The following TMEM248 variants were observed in gnomAD, a reference collection of about 807,000 sequenced individuals.
TMEM248 encodes the protein transmembrane protein 248.
In TMEM248, 9 loss-of-function variants were observed where a neutral mutation model predicts 30.3. The observed-to-expected ratio is 0.30, with a 90% confidence interval of 0.18 to 0.52. TMEM248 has a LOEUF of 0.52. Ranked by LOEUF, TMEM248 falls within the 20% of genes least tolerant of loss-of-function variation. The pLI is 0.97. For missense variants in TMEM248, 338 were observed against 403.3 expected (o/e 0.84, Z 1.39); for synonymous variants, 184 against 154.4 (o/e 1.19, Z -1.42).
Position 66,945,213 on chromosome 7 carries a change from G to A in TMEM248, c.397G>A (p.Val133Ile), listed in dbSNP as rs754953626. ...ACCCTTCGGAGGGTATTCCCGCAAC[G>A]TCACCCATCTGTACTCAACCATCTT... ...LKPFGGYSRN[V>I]THLYSTILGH... Residue 133 changes from valine (V) to isoleucine (I), a missense_variant, in exon 3 of 7, where the codon GTC becomes ATC. By Grantham distance (29) the Val-to-Ile change is conservative. Coordinates refer to ENST00000341567, the MANE Select transcript of TMEM248 (RefSeq NM_017994.5). 6 of 1,613,996 alleles carry A rather than the reference G, an allele frequency of 3.7e-6. No individual in the cohort carries two copies. The highest frequency in any genetic ancestry group is 2.2e-5 in the East Asian group (1 of 44,900).
At chr7:66,939,796 C>T (rs1333250174) in intron 1 of TMEM248, among the ~76,000 whole-genome samples, 3 of 150,832 alleles carry the variant, frequency 2.0e-5, no homozygotes, top group Non-Finnish European at 4.4e-5. Context: ...GCAAAATCTC[C>T]GCTCTCGTTG....
At chr7:66,948,829 A>G (rs2129225421) in intron 4 of TMEM248, 135 bp downstream of exon 4, 1 of 913,290 alleles carries the variant, frequency 1.1e-6, no homozygotes, top group Admixed American at 3.1e-5. Flanking sequence ...ACTCGGACCT[A>G]TCTAAAGGAT....
In TMEM248 at chr7:66,948,553, C is replaced by T; in HGVS notation, c.455C>T (p.Ala152Val). The T allele has an allele frequency of 6.2e-7, 1 of 1,613,250 alleles. No homozygotes were observed. Among genetic ancestry groups the T allele is most frequent in the Non-Finnish European group, 8.5e-7 (1 of 1,179,614 alleles). The change falls in exon 4 of 7, where the codon GCC (alanine) becomes GTC (valine). Residue 152 changes from alanine (A) to valine (V), a missense_variant. Coordinates refer to ENST00000341567, the MANE Select transcript of TMEM248 (RefSeq NM_017994.5). ...GHQIGLSGRE[A>V]HEEINITFTL... ...GATTTCTCTTTCATAGGCAGGGAAG[C>T]CCACGAGGAGATAAACATCACCTTC...
chr7:66,924,465 C>T (rs1048991766), intron 1 of TMEM248, among the ~76,000 whole-genome samples: 12 of 152,112 alleles, frequency 7.9e-5, no homozygotes, highest in East Asian at 1.9e-4. Context: ...AGTACAGTGG[C>T]GCGATCTCAG....
chr7:66,926,474 G>T (rs1791527274), intron 1 of TMEM248, among the ~76,000 whole-genome samples: 1 of 152,012 alleles, frequency 6.6e-6, no homozygotes, highest in African/African-American at 2.4e-5. Flanking sequence ...ACAAGAATTA[G>T]CTGGGCGTGG....
chr7:66,954,066 C>T (rs991694340), intron 6 of TMEM248, among the ~76,000 whole-genome samples: 10 of 150,410 alleles, frequency 6.6e-5, no homozygotes, highest in African/African-American at 2.2e-4. Context: ...GCCTCAGCCT[C>T]GAGAGTAGCT....
chr7:66,930,455 G>A (rs949545622), intron 1 of TMEM248, among the ~76,000 whole-genome samples: 7 of 152,186 alleles, frequency 4.6e-5, no homozygotes, highest in Non-Finnish European at 1.0e-4. Flanking sequence ...AACCCGGAGT[G>A]GAAACTGGGA....
In TMEM248 at chr7:66,941,985, C is replaced by A. The variant is rs1791974768; in HGVS notation, c.120C>A (p.Phe40Leu). The change falls in exon 2 of 7, where the codon TTC becomes TTA. Residue 40 changes from phenylalanine (F) to leucine (L), a missense_variant. Phe to Leu is a conservative substitution (Grantham distance 22). Transcript: ENST00000341567. Reference sequence around the variant, plus strand: ...TAGCTTTCCTGACCCTGGGCTACTTCTTCAAAATCAAGGAGATTAAATCCC... The same window carrying A: ...TAGCTTTCCTGACCCTGGGCTACTTATTCAAAATCAAGGAGATTAAATCCC... Reference protein sequence around the residue: ...MAIAFLTLGYFFKIKEIKSPE... With the variant: ...MAIAFLTLGYLFKIKEIKSPE... 6.2e-7 allele frequency: 1 copy of A among 1,614,164 alleles called. No homozygotes were observed. Among genetic ancestry groups the A allele is most frequent in the Non-Finnish European group, 8.5e-7 (1 of 1,180,028 alleles).
rs553043559 is a variant in TMEM248 at position 66,955,423 on chromosome 7, G to C, written c.925-79G>C. 3.3e-6 allele frequency: 5 copies of C among 1,527,872 alleles called. No homozygotes were observed. The East Asian group carries it at 1.1e-4, about 34-fold the overall frequency. 94.6% of individuals were successfully genotyped at this position (1,527,872 alleles called of 1,614,324 possible). ...CTGGTTGATATGTGCAATTAGTGTG[G>C]CATCCTGGTCTTTGGGTAGGGGCTG... On this transcript the variant is annotated intron_variant, in intron 6 of 6. Coordinates refer to ENST00000341567, the MANE Select transcript of TMEM248 (RefSeq NM_017994.5).
chr7:66,955,582 C>A lies in TMEM248; in HGVS notation c.*60C>A. ...AGAACCATAATCCTTGCCTGCTGAA[C>A]CCAGCCTGGGCCTGGATGCTCTGTG... On this transcript the variant is annotated 3_prime_UTR_variant, in exon 7 of 7. Transcript: ENST00000341567. 1 of 1,603,262 alleles carries A rather than the reference C, an allele frequency of 6.2e-7. No homozygotes were observed. The highest frequency in any genetic ancestry group is 8.5e-7 in the Non-Finnish European group (1 of 1,172,072).
chr7:66,923,158 T>G (rs1584391846), intron 1 of TMEM248, among the ~76,000 whole-genome samples: 1 of 151,934 alleles, frequency 6.6e-6, no homozygotes, highest in East Asian at 1.9e-4. Context: ...CTTTTTTTTT[T>G]TTCTTGAGGC....
rs1792365643 is a variant in TMEM248, at chr7:66,954,953, A to G, written c.925-549A>G. Among the ~76,000 whole-genome samples, 4 of 152,156 alleles carry G rather than the reference A, an allele frequency of 2.6e-5. 1 individual carries two copies. The highest frequency in any genetic ancestry group is 9.7e-5 in the African/African-American group (4 of 41,434). On this transcript the variant is annotated intron_variant, in intron 6 of 6. Transcript: ENST00000341567. ...GTTCCATCAGCATAAGAAGTCTTCT[A>G]ACAGAATGCTTATCAAGGTTTAAAG... is the stretch of plus-strand genomic sequence containing the variant.
intron 1 of TMEM248, among the ~76,000 whole-genome samples, chr7:66,935,056 C>CA (rs1288245668): frequency 1.3e-5 from 2 of 150,716 alleles, no homozygotes; most frequent in East Asian, 1.9e-4. Flanking sequence ...CTCTTGTGTC[C>CA]AAAAAAACAA....
At chr7:66,954,743 C>T (rs1792361780) in intron 6 of TMEM248, among the ~76,000 whole-genome samples, 2 of 152,112 alleles carry the variant, frequency 1.3e-5, no homozygotes, top group Admixed American at 1.3e-4. Context: ...ATGAAACCCA[C>T]AATTACAGAA....
At position 66,950,991 on chromosome 7, in the gene TMEM248, C is replaced by T. The variant is rs1368701044; in HGVS notation, c.636C>T (p.Ala212=). Reference sequence around the variant, plus strand: ...GTGTTCCTGACACGTACAGCAACGCCACGCTCTGGTACAAGATCTTCACAA... The same window carrying T: ...GTGTTCCTGACACGTACAGCAACGCTACGCTCTGGTACAAGATCTTCACAA... ...PHCVPDTYSN[A]TLWYKIFTTA... The change falls in exon 5 of 7, where the codon GCC becomes GCT. Residue 212 remains alanine (A), a synonymous_variant. Transcript: ENST00000341567. The T allele has an allele frequency of 6.2e-7, 1 of 1,609,960 alleles. No individual in the cohort carries two copies. The highest frequency in any genetic ancestry group is 1.1e-5 in the South Asian group (1 of 90,356).
At position 66,941,959 on chromosome 7, in the gene TMEM248, A is replaced by G; in HGVS notation, c.94A>G (p.Ile32Val). The change falls in exon 2 of 7, where the codon ATA becomes GTA. Residue 32 changes from isoleucine (I) to valine (V), a missense_variant. Coordinates refer to ENST00000341567, the MANE Select transcript of TMEM248 (RefSeq NM_017994.5). ...CATGATCAGCGTAAGCGCCATGGCC[A>G]TAGCTTTCCTGACCCTGGGCTACTT... ...VFMISVSAMA[I>V]AFLTLGYFFK... is the part of the protein sequence containing the mutation. The G allele has an allele frequency of 1.9e-6, 3 of 1,614,202 alleles. No individual in the cohort carries two copies. The highest frequency in any genetic ancestry group is 2.5e-6 in the Non-Finnish European group (3 of 1,180,034).
intron 1 of TMEM248, among the ~76,000 whole-genome samples, chr7:66,928,773 A>C (rs1365804494): frequency 1.0e-4 from 15 of 149,654 alleles, no homozygotes; most frequent in Admixed American, 9.6e-4. Flanking sequence ...ACTCTTAAAA[A>C]AATTTTTTTT....
intron 1 of TMEM248, among the ~76,000 whole-genome samples, chr7:66,928,741 C>G (rs1326696142): frequency 6.6e-6 from 1 of 151,850 alleles, no homozygotes; most frequent in Non-Finnish European, 1.5e-5. Context: ...GCTTTTCTGC[C>G]TTTTCTCATT....
At chr7:66,943,886 C>A (rs1446293870) in intron 2 of TMEM248, among the ~76,000 whole-genome samples, 1 of 151,684 alleles carries the variant, frequency 6.6e-6, no homozygotes, top group Non-Finnish European at 1.5e-5. Context: ...CAGCCTCTGC[C>A]CCCCTTCAAA....
Sources: gnomAD v4.1 joint callset for allele counts (sites outside exome capture counted in the v4.1 genomes callset) on GRCh38, gnomAD v4.1.1 for gene constraint, MANE v1.5 for transcripts, NCBI Gene and HGNC (gene_info 2026-07-23, HGNC 2026-07-21) for gene names.